The following SLC35F3 variants were observed in gnomAD, a reference collection of about 807,000 sequenced individuals.
The protein encoded by SLC35F3 is solute carrier family 35 member F3.
SLC35F3 carries 25 observed loss-of-function variants against 49.9 expected under a neutral mutation model. That is an observed-to-expected ratio of 0.50 (90% CI 0.37 to 0.70). SLC35F3 has a LOEUF of 0.70. SLC35F3 is among the 30% of genes least tolerant of loss of function. The probability of loss-of-function intolerance (pLI) is 0.00; values close to 1 mark genes in which losing one functional copy is unlikely to be tolerated. For missense variants in SLC35F3, 525 were observed against 639.8 expected (o/e 0.82, Z 1.94); for synonymous variants, 275 against 265.4 (o/e 1.04, Z -0.35).
chr1:234,155,465 A>G lies in SLC35F3; in HGVS notation c.284-75952A>G, dbSNP rs1434079035. On this transcript the variant is annotated intron_variant, in intron 2 of 7. Transcript: ENST00000366618. ...TACTGTTTTGCCCAGGCTGCAGTACAGTGGCACAATCTTGGCTCACTGCAA... is the reference window on the plus strand; with the variant it reads ...TACTGTTTTGCCCAGGCTGCAGTACGGTGGCACAATCTTGGCTCACTGCAA... Among the ~76,000 whole-genome samples the G allele has an allele frequency of 2.0e-5, 3 of 151,940 alleles. No individual in the cohort carries two copies. In the East Asian group the frequency reaches 5.8e-4, roughly 29 times the overall value.
chr1:234,300,378 C>G (rs1668674728), intron 3 of SLC35F3, among the ~76,000 whole-genome samples: 1 of 152,140 alleles, frequency 6.6e-6, no homozygotes, highest in Non-Finnish European at 1.5e-5. Flanking sequence ...TTTAACAGCT[C>G]CCTGGGATTT....
At chr1:233,953,444 T>G (rs1003315094) in intron 2 of SLC35F3, among the ~76,000 whole-genome samples, 1 of 152,194 alleles carries the variant, frequency 6.6e-6, no homozygotes, top group Admixed American at 6.5e-5. Context: ...ACATCAGTAA[T>G]GATTGTGGGT....
intron 2 of SLC35F3, among the ~76,000 whole-genome samples, chr1:234,175,855 T>C (rs950777927): frequency 3.3e-5 from 5 of 152,084 alleles, no homozygotes; most frequent in African/African-American, 1.2e-4. Context: ...GCCAGGTCAG[T>C]GTGGAGGCAG....
intron 3 of SLC35F3, among the ~76,000 whole-genome samples, chr1:234,276,198 C>T (rs1469573006): frequency 6.6e-6 from 1 of 152,074 alleles, no homozygotes; most frequent in African/African-American, 2.4e-5. Flanking sequence ...TATAGCCAGT[C>T]TGTAAAGAGA....
At chr1:234,139,697 C>A (rs1410954088) in intron 2 of SLC35F3, among the ~76,000 whole-genome samples, 1 of 152,030 alleles carries the variant, frequency 6.6e-6, no homozygotes, top group Non-Finnish European at 1.5e-5. Context: ...CACCTGTAAT[C>A]CCAGCACTTT....
chr1:233,962,810 C>T (rs1662826515), intron 2 of SLC35F3, among the ~76,000 whole-genome samples: 2 of 152,314 alleles, frequency 1.3e-5, no homozygotes, highest in South Asian at 4.1e-4. Context: ...CAGTGCATTC[C>T]TTTTCATAGT....
At chr1:234,142,669 A>G (rs1236701221) in intron 2 of SLC35F3, among the ~76,000 whole-genome samples, 1 of 151,296 alleles carries the variant, frequency 6.6e-6, no homozygotes, top group South Asian at 2.1e-4. Context: ...CAAAAAAAAA[A>G]CGCATGATGT....
intron 2 of SLC35F3, among the ~76,000 whole-genome samples, chr1:233,971,888 C>T (rs546964528): frequency 6.6e-6 from 1 of 152,266 alleles, no homozygotes; most frequent in Non-Finnish European, 1.5e-5. Context: ...CCTGCATGGC[C>T]CAGGCCTGTC....
At position 233,952,253 on chromosome 1, in the gene SLC35F3, T is replaced by C. The variant is rs145286718; in HGVS notation, c.283+46495T>C. 3.3e-5 allele frequency among the ~76,000 whole-genome samples: 5 copies of C among 152,330 alleles called. No homozygotes were observed. In the East Asian group the frequency reaches 5.8e-4, roughly 18 times the overall value. ...ATCAATGGTCACAACTTTCATCTGC[T>C]CTGTGGGAACATTTTTTCTGTATTC... On this transcript the variant is annotated intron_variant, in intron 2 of 7. Coordinates refer to ENST00000366618, the MANE Select transcript of SLC35F3 (RefSeq NM_173508.4).
chr1:234,248,863 C>T (rs974369980), intron 3 of SLC35F3, among the ~76,000 whole-genome samples: 1 of 152,196 alleles, frequency 6.6e-6, no homozygotes, highest in Non-Finnish European at 1.5e-5. Context: ...GTCATAGACC[C>T]CTACTCAGAG....
At chr1:234,322,665 GT>G (rs1558110586) in intron 7 of SLC35F3, among the ~76,000 whole-genome samples, 2 of 151,708 alleles carry the variant, frequency 1.3e-5, no homozygotes, top group Non-Finnish European at 2.9e-5. Flanking sequence ...GTGTGTGTGT[GT>G]GTGTGTGTGT....
intron 2 of SLC35F3, among the ~76,000 whole-genome samples, chr1:233,997,393 T>G (rs4418678): frequency 0.16 from 23,862 of 152,174 alleles, 2,674 homozygotes; most frequent in East Asian, 0.42. Context: ...GGGTTTCCTT[T>G]TCTCCACCTC....
chr1:234,122,815 TGTATA>T (rs1466903284), intron 2 of SLC35F3, among the ~76,000 whole-genome samples: 2 of 152,226 alleles, frequency 1.3e-5, no homozygotes, highest in African/African-American at 4.8e-5. Context: ...TTTTTATGGC[TGTATA>T]GTATTCCATG....
At chr1:234,083,838 G>T (rs1442867829) in intron 2 of SLC35F3, among the ~76,000 whole-genome samples, 1 of 97,964 alleles carries the variant, frequency 1.0e-5, no homozygotes, top group Admixed American at 9.8e-5. Flanking sequence ...TTTGGTTTTG[G>T]CTTTTTTTTT....
chr1:233,935,188 C>CTTTT (rs1662303353), intron 2 of SLC35F3, among the ~76,000 whole-genome samples: 1 of 28,838 alleles, frequency 3.5e-5, no homozygotes, highest in East Asian at 1.6e-3. Flanking sequence ...TTTTCCTTGC[C>CTTTT]CTTTTTTTTT....
At chr1:234,321,823 C>T (rs1235490582) in intron 7 of SLC35F3, among the ~76,000 whole-genome samples, 2 of 152,074 alleles carry the variant, frequency 1.3e-5, no homozygotes, top group East Asian at 3.9e-4. Flanking sequence ...GACATCTGCT[C>T]AAGGGACTGG....
At chr1:234,159,671 T>G (rs996012186) in intron 2 of SLC35F3, among the ~76,000 whole-genome samples, 1 of 152,196 alleles carries the variant, frequency 6.6e-6, no homozygotes, top group Non-Finnish European at 1.5e-5. Flanking sequence ...TCTCACCCCC[T>G]TTGGTCACCC....
At chr1:234,297,147 G>A (rs1268535750) in intron 3 of SLC35F3, among the ~76,000 whole-genome samples, 1 of 152,144 alleles carries the variant, frequency 6.6e-6, no homozygotes, top group East Asian at 1.9e-4. Flanking sequence ...ATAAGCAAAA[G>A]ACAACAAGTG....
chr1:233,966,809 T>C (rs1662912928), intron 2 of SLC35F3, among the ~76,000 whole-genome samples: 1 of 152,236 alleles, frequency 6.6e-6, no homozygotes, highest in South Asian at 2.1e-4. Flanking sequence ...AGGAGTCTAA[T>C]TGAAAAGTAA....
Sources: allele counts gnomAD v4.1 joint callset (sites outside exome capture counted in the v4.1 genomes callset), GRCh38; gene constraint gnomAD v4.1.1; transcripts MANE v1.5; gene names NCBI Gene and HGNC (gene_info 2026-07-23, HGNC 2026-07-21).